EFNA5: variants seen among roughly 807,000 people sequenced by gnomAD.
EFNA5 encodes the protein ephrin A5, also known as ephrin-A5.
A neutral mutation model predicts 22.9 loss-of-function variants in EFNA5; 5 were observed. The observed-to-expected ratio is 0.22, with a 90% CI of 0.11 to 0.46. EFNA5 has a LOEUF of 0.46. EFNA5 is among the 20% of genes least tolerant of loss of function. The probability of loss-of-function intolerance (pLI) is 0.99; values close to 1 mark genes in which losing one functional copy is unlikely to be tolerated. For missense variants in EFNA5, 237 were observed against 293.3 expected (o/e 0.81, Z 1.40); for synonymous variants, 113 against 112.2 (o/e 1.01, Z -0.04).
intron 2 of EFNA5, among the ~76,000 whole-genome samples, chr5:107,410,113 C>T (rs1008076868): frequency 4.0e-5 from 6 of 148,868 alleles, no homozygotes; most frequent in African/African-American, 9.9e-5. Flanking sequence ...ATGCAAGCTC[C>T]GCTTCCCGGG....
chr5:107,642,696 G>A (rs1349718692), intron 1 of EFNA5, among the ~76,000 whole-genome samples: 1 of 152,122 alleles, frequency 6.6e-6, no homozygotes, highest in Non-Finnish European at 1.5e-5. Context: ...GGTATGAGGA[G>A]AGAAGAAAAA....
intron 1 of EFNA5, among the ~76,000 whole-genome samples, chr5:107,463,840 G>A (rs1216033389): frequency 6.6e-6 from 1 of 152,026 alleles, no homozygotes; most frequent in Non-Finnish European, 1.5e-5. Flanking sequence ...TGTGAGTGAG[G>A]ACAATTTGAA....
At chr5:107,464,291 T>C (rs1487651827) in intron 1 of EFNA5, among the ~76,000 whole-genome samples, 1 of 152,066 alleles carries the variant, frequency 6.6e-6, no homozygotes, top group Non-Finnish European at 1.5e-5. Context: ...ATCCCTCCAA[T>C]CTTCACTACC....
At chr5:107,472,472 T>C (rs1460053662) in intron 1 of EFNA5, among the ~76,000 whole-genome samples, 3 of 152,216 alleles carry the variant, frequency 2.0e-5, no homozygotes, top group African/African-American at 7.2e-5. Context: ...CTACTCAGAA[T>C]TTAAATGAGA....
intron 1 of EFNA5, among the ~76,000 whole-genome samples, chr5:107,591,248 G>A (rs1214881740): frequency 6.6e-6 from 1 of 152,136 alleles, no homozygotes; most frequent in Admixed American, 6.5e-5. Flanking sequence ...AAAAGTCAAT[G>A]TGGAGATGGC....
intron 1 of EFNA5, among the ~76,000 whole-genome samples, chr5:107,431,950 T>C (rs577009892): frequency 1.3e-5 from 2 of 152,334 alleles, no homozygotes; most frequent in Non-Finnish European, 2.9e-5. Flanking sequence ...GGATCTGAAC[T>C]CAAGTCTTAC....
chr5:107,442,018 C>A (rs1192312277), intron 1 of EFNA5, among the ~76,000 whole-genome samples: 3 of 152,158 alleles, frequency 2.0e-5, no homozygotes, highest in Non-Finnish European at 4.4e-5. Flanking sequence ...GCAACAAAAT[C>A]CTAACTCACC....
chr5:107,472,817 G>T (rs1175539934), intron 1 of EFNA5, among the ~76,000 whole-genome samples: 1 of 152,226 alleles, frequency 6.6e-6, no homozygotes, highest in Admixed American at 6.5e-5. Flanking sequence ...AACAGATAGA[G>T]ATCAGTAACG....
At chr5:107,547,393 G>GAA (rs1235224940) in intron 1 of EFNA5, among the ~76,000 whole-genome samples, 2 of 152,104 alleles carry the variant, frequency 1.3e-5, no homozygotes, top group Non-Finnish European at 2.9e-5. Flanking sequence ...CCCAACAACA[G>GAA]AAACCTCTGG....
intron 1 of EFNA5, among the ~76,000 whole-genome samples, chr5:107,526,151 A>C (rs1747692323): frequency 6.6e-6 from 1 of 152,226 alleles, no homozygotes; most frequent in South Asian, 2.1e-4. Context: ...AAGGAGATAA[A>C]GGGATCCAGG....
At chr5:107,462,664 C>G (rs1166025794) in intron 1 of EFNA5, among the ~76,000 whole-genome samples, 2 of 152,102 alleles carry the variant, frequency 1.3e-5, no homozygotes, top group Admixed American at 1.3e-4. Context: ...ATGAAAACAC[C>G]TGGCAAAATG....
rs1747372460 is a variant in EFNA5, at chr5:107,379,491, T to C, written c.*1764A>G. ...CAATTTTTCACATTTTACATGATCA[T>C]CACATTTATTTCTTATATTGAAAGG... On this transcript the variant is annotated 3_prime_UTR_variant, in exon 5 of 5. Coordinates refer to ENST00000333274, the MANE Select transcript of EFNA5 (RefSeq NM_001962.3). 1 of 142,336 alleles carries C rather than the reference T, an allele frequency of 7.0e-6. No homozygotes were observed. Among genetic ancestry groups the C allele is most frequent in the Non-Finnish European group, 1.5e-5 (1 of 66,820 alleles). 8.8% of individuals were successfully genotyped at this position (142,336 alleles called of 1,614,324 possible).
intron 1 of EFNA5, among the ~76,000 whole-genome samples, chr5:107,594,926 A>G (rs1328615185): frequency 2.0e-5 from 3 of 152,208 alleles, no homozygotes; most frequent in Non-Finnish European, 4.4e-5. Flanking sequence ...TCTGGCCAAA[A>G]CAGCGGCTAA....
chr5:107,415,480 G>C (rs1399899187), intron 2 of EFNA5, among the ~76,000 whole-genome samples: 1 of 152,054 alleles, frequency 6.6e-6, no homozygotes, highest in Non-Finnish European at 1.5e-5. Flanking sequence ...ATGCTGTTCT[G>C]ATTCCTTATC....
intron 1 of EFNA5, among the ~76,000 whole-genome samples, chr5:107,504,445 T>C (rs1747209490): frequency 6.6e-6 from 1 of 152,178 alleles, no homozygotes; most frequent in Non-Finnish European, 1.5e-5. Flanking sequence ...AAAATATGTG[T>C]CTTCTCTATT....
At chr5:107,427,092 A>T in intron 2 of EFNA5, 125 bp downstream of exon 2, 2 of 982,340 alleles carry the variant, frequency 2.0e-6, no homozygotes, top group Admixed American at 4.2e-5. Context: ...ATCCTGATGT[A>T]CGCATTTACA....
At chr5:107,462,955 G>A (rs1376017792) in intron 1 of EFNA5, among the ~76,000 whole-genome samples, 1 of 152,160 alleles carries the variant, frequency 6.6e-6, no homozygotes, top group African/African-American at 2.4e-5. Flanking sequence ...CTAGTGGGCA[G>A]GAGATGTGGG....
chr5:107,423,607 T>C lies in EFNA5; in HGVS notation c.418+3610A>G, dbSNP rs78242543. Among the ~76,000 whole-genome samples, 113 of 152,314 alleles carry C rather than the reference T, an allele frequency of 7.4e-4. No individual in the cohort carries two copies. In the East Asian group the frequency reaches 0.019, roughly 26 times the overall value. On this transcript the variant is annotated intron_variant, in intron 2 of 4. Transcript: ENST00000333274. ...TTAGGAAGTCTATATAAACAACTAT[T>C]GTCTTAATCAATTGACTGGCAGTTC... is the stretch of plus-strand genomic sequence containing the variant.
intron 1 of EFNA5, among the ~76,000 whole-genome samples, chr5:107,569,815 C>G (rs1414713019): frequency 7.0e-6 from 1 of 142,674 alleles, no homozygotes; most frequent in Non-Finnish European, 1.5e-5. Context: ...TTGCACCATG[C>G]CACTCCAGCC....
Sources: gnomAD v4.1 joint callset for allele counts (sites outside exome capture counted in the v4.1 genomes callset) on GRCh38, gnomAD v4.1.1 for gene constraint, MANE v1.5 for transcripts, NCBI Gene and HGNC (gene_info 2026-07-23, HGNC 2026-07-21) for gene names.